Variants in GPR19 observed in about 807,000 individuals in gnomAD.
GPR19 encodes G protein-coupled receptor 19, also known as probable G protein-coupled receptor 19.
Under a neutral mutation model 28.5 loss-of-function variants are expected in GPR19, and 14 were observed. That is an observed-to-expected ratio of 0.49 (90% confidence interval 0.32 to 0.77). The LOEUF (loss-of-function observed/expected upper bound fraction) is 0.77, where lower values mean the gene tolerates loss of function less well. Among genes scored for constraint, GPR19 ranks in the 30% least tolerant of loss-of-function variants. GPR19 has a pLI of 0.03. For synonymous variants in GPR19, 173 were observed against 184.1 expected, an observed-to-expected ratio of 0.94 and a Z score of 0.49; for missense variants, 409 against 504.1, an observed-to-expected ratio of 0.81 and a Z score of 1.81.
chr12:12,665,854 CAAAG>C (rs1392801196), intron 3 of GPR19, among the ~76,000 whole-genome samples: 1 of 113,814 alleles, frequency 8.8e-6, no homozygotes, highest in African/African-American at 3.4e-5. Flanking sequence ...AAAAAGAAAA[CAAAG>C]ATACGTAAGC....
chr12:12,684,337 T>A lies in GPR19; in HGVS notation c.-23+14A>T, dbSNP rs982150284. The A allele has an allele frequency of 1.3e-5, 2 of 152,174 alleles. No homozygotes were observed. The highest frequency in any genetic ancestry group is 4.8e-5 in the African/African-American group (2 of 41,434). The allele number at this position is 152,174 out of a possible 1,614,324, so 9.4% of individuals were successfully genotyped here. A position where few individuals can be genotyped will look rare whatever the true frequency, so the allele number is the denominator to read the frequency against. On this transcript the variant is annotated intron_variant, in intron 3 of 3. Transcript: ENST00000651487. ...AAATTTCAGTCGCAATACCAAGGGA[T>A]CCCTATCACATACCTTCATCCGGAC...
chr12:12,697,067 G>A (rs1256104766), upstream of GPR19, among the ~76,000 whole-genome samples: 1 of 137,042 alleles, frequency 7.3e-6, no homozygotes, highest in African/African-American at 2.7e-5. Context: ...TGGTAAAAAT[G>A]CAAATAAGAC....
At chr12:12,687,806 G>A (rs532245405) in intron 2 of GPR19, among the ~76,000 whole-genome samples, 2 of 152,126 alleles carry the variant, frequency 1.3e-5, no homozygotes, top group African/African-American at 4.8e-5. Flanking sequence ...TTAAAACAAC[G>A]CTCTTACCAG....
chr12:12,679,790 G>A (rs939089466), intron 3 of GPR19, among the ~76,000 whole-genome samples: 12 of 152,160 alleles, frequency 7.9e-5, no homozygotes, highest in East Asian at 3.9e-4. Context: ...GCCTGCCTGG[G>A]GTTCAAGTCA....
At chr12:12,696,747 C>A (rs971642114), upstream of GPR19, among the ~76,000 whole-genome samples, 1 of 152,218 alleles carries the variant, frequency 6.6e-6, no homozygotes, top group Admixed American at 6.5e-5. Context: ...TCTCGCCGCC[C>A]CGAGCGCCTT....
the GPR19 span, among the ~76,000 whole-genome samples, chr12:12,707,989 C>CTTTT: frequency 7.7e-4 from 48 of 62,464 alleles, 11 homozygotes; most frequent in East Asian, 1.8e-3. Flanking sequence ...ATTTCCTATT[C>CTTTT]TTTTTTTTTT....
At chr12:12,703,757 T>G in the GPR19 span, among the ~76,000 whole-genome samples, 1 of 152,150 alleles carries the variant, frequency 6.6e-6, no homozygotes. Context: ...ACTTTTCTCT[T>G]GGAAGGGGCT....
intron 2 of GPR19, among the ~76,000 whole-genome samples, chr12:12,691,238 A>T (rs1395563302): frequency 2.0e-5 from 3 of 152,238 alleles, no homozygotes; most frequent in Non-Finnish European, 4.4e-5. Flanking sequence ...AGTCAAACAG[A>T]GGGAGGAATG....
At chr12:12,697,863 G>A (rs1301180718), upstream of GPR19, among the ~76,000 whole-genome samples, 3 of 151,986 alleles carry the variant, frequency 2.0e-5, no homozygotes, top group Non-Finnish European at 4.4e-5. Context: ...TTAAAATTCC[G>A]CTCCATTATC....
At chr12:12,672,489 A>G (rs1291333620) in intron 3 of GPR19, among the ~76,000 whole-genome samples, 1 of 152,150 alleles carries the variant, frequency 6.6e-6, no homozygotes, top group Admixed American at 6.5e-5. Context: ...ACTCATGCCT[A>G]TAATCCCAGC....
At chr12:12,696,775 T>G (rs1946269256), upstream of GPR19, among the ~76,000 whole-genome samples, 1 of 152,200 alleles carries the variant, frequency 6.6e-6, no homozygotes, top group South Asian at 2.1e-4. Flanking sequence ...TCCCTTGACG[T>G]GTAATTCGTA....
the GPR19 span, among the ~76,000 whole-genome samples, chr12:12,711,271 C>T: frequency 7.1e-6 from 1 of 141,780 alleles, no homozygotes; most frequent in Non-Finnish European, 1.5e-5. Context: ...TCCAGCCTGG[C>T]GACAGAATGA....
At chr12:12,692,626 T>C (rs1252340574) in intron 2 of GPR19, among the ~76,000 whole-genome samples, 4 of 152,044 alleles carry the variant, frequency 2.6e-5, no homozygotes, top group African/African-American at 9.7e-5. Context: ...TGGTACAATA[T>C]GAAAGTTTCT....
chr12:12,677,871 C>T (rs762885144), intron 3 of GPR19, among the ~76,000 whole-genome samples: 1 of 151,520 alleles, frequency 6.6e-6, no homozygotes, highest in African/African-American at 2.4e-5. Flanking sequence ...GTCAGGAATT[C>T]GAAACCAGCC....
the GPR19 span, among the ~76,000 whole-genome samples, chr12:12,711,736 C>T: frequency 6.6e-6 from 1 of 152,134 alleles, no homozygotes. Context: ...GTCTCTCCTA[C>T]ATTCTCCTTT....
At chr12:12,691,489 C>G (rs56238007) in intron 2 of GPR19, among the ~76,000 whole-genome samples, 3 of 152,276 alleles carry the variant, frequency 2.0e-5, no homozygotes, top group Non-Finnish European at 2.9e-5. Context: ...CTTTTCAAAC[C>G]CTGCTGGGTT....
At chr12:12,680,440 G>T (rs947641257) in intron 3 of GPR19, among the ~76,000 whole-genome samples, 2 of 152,180 alleles carry the variant, frequency 1.3e-5, no homozygotes, top group African/African-American at 4.8e-5. Context: ...TGCTTTAAAG[G>T]TTTGGCCAAG....
chr12:12,665,519 G>A (rs1945757395), intron 3 of GPR19, among the ~76,000 whole-genome samples: 1 of 152,312 alleles, frequency 6.6e-6, no homozygotes, highest in African/African-American at 2.4e-5. Context: ...CATTCAATAA[G>A]CCGAGAAACT....
chr12:12,664,708 C>G (rs750582616), intron 3 of GPR19, among the ~76,000 whole-genome samples: 28 of 151,830 alleles, frequency 1.8e-4, no homozygotes, highest in Admixed American at 3.9e-4. Context: ...ATCACGAGGT[C>G]AGGAGATCGA....
Sources: allele counts gnomAD v4.1 joint callset (sites outside exome capture counted in the v4.1 genomes callset), GRCh38; gene constraint gnomAD v4.1.1; transcripts MANE v1.5; gene names NCBI Gene and HGNC (gene_info 2026-07-23, HGNC 2026-07-21).